CCDC3: variants seen among roughly 807,000 people sequenced by gnomAD.
CCDC3 encodes coiled-coil domain containing 3.
A neutral mutation model predicts 21.4 loss-of-function variants in CCDC3; 24 were observed. The ratio of observed to expected loss-of-function variants is 1.12; its 90% confidence interval spans 0.81 to 1.58. The LOEUF (loss-of-function observed/expected upper bound fraction) is 1.58, where lower values mean the gene tolerates loss of function less well. Among genes scored for constraint, CCDC3 ranks in the 40% most tolerant of loss-of-function variants. The pLI, the probability that CCDC3 is intolerant of heterozygous loss-of-function variation, is 0.00. For missense variants in CCDC3, 425 were observed against 360.9 expected, an observed-to-expected ratio of 1.18 and a Z score of -1.44; for synonymous variants, 186 against 166.0, an observed-to-expected ratio of 1.12 and a Z score of -0.93.
At chr10:13,025,919 G>A (rs190200429) in intron 5 of CCDC3, among the ~76,000 whole-genome samples, 8 of 152,230 alleles carry the variant, frequency 5.3e-5, no homozygotes, top group Admixed American at 2.6e-4. Context: ...GGTGGCTCAC[G>A]CCTGTAATCC....
intron 4 of CCDC3, among the ~76,000 whole-genome samples, chr10:13,060,721 G>C (rs945960986): frequency 7.9e-5 from 12 of 152,080 alleles, no homozygotes; most frequent in African/African-American, 2.7e-4. Context: ...GCCCAGGCTG[G>C]TTTCTAACTC....
chr10:13,032,124 A>G (rs1836312992), intron 5 of CCDC3, among the ~76,000 whole-genome samples: 1 of 152,126 alleles, frequency 6.6e-6, no homozygotes, highest in Non-Finnish European at 1.5e-5. Context: ...CCAGCAGCAC[A>G]TCAAAAAGCT....
chr10:13,054,920 G>T (rs901763682), intron 4 of CCDC3, among the ~76,000 whole-genome samples: 1 of 152,190 alleles, frequency 6.6e-6, no homozygotes, highest in East Asian at 1.9e-4. Context: ...ACCCGCCTTG[G>T]CCTCCTAAAG....
chr10:13,040,866 T>C (rs749103043), intron 5 of CCDC3, among the ~76,000 whole-genome samples: 4 of 152,222 alleles, frequency 2.6e-5, no homozygotes, highest in African/African-American at 9.6e-5. Context: ...TCCTATCTAG[T>C]AAATTATTTC....
At chr10:13,096,602 T>C (rs1442069915) in intron 3 of CCDC3, among the ~76,000 whole-genome samples, 3 of 152,144 alleles carry the variant, frequency 2.0e-5, no homozygotes, top group African/African-American at 7.2e-5. Context: ...TTGGTACCCA[T>C]TGAAGTAAGG....
chr10:13,072,555 A>G (rs1836896158), intron 4 of CCDC3, among the ~76,000 whole-genome samples: 1 of 152,172 alleles, frequency 6.6e-6, no homozygotes, highest in African/African-American at 2.4e-5. Flanking sequence ...CACTGGGAGA[A>G]TGGGGTGGAG....
rs1336104222 is a variant in CCDC3, at chr10:12,929,201, G to A, written c.550-30522C>T. On this transcript the variant is annotated intron_variant, in intron 2 of 2. Coordinates refer to ENST00000378825, the MANE Select transcript of CCDC3 (RefSeq NM_031455.4). Reference sequence around the variant, plus strand: ...TGCTTGAACCCAGGGGGTGGAGGTCGCAGTGAGCCGAGATCGTGCCACTGC... The same window carrying A: ...TGCTTGAACCCAGGGGGTGGAGGTCACAGTGAGCCGAGATCGTGCCACTGC... Among the ~76,000 whole-genome samples the A allele has an allele frequency of 8.0e-5, 12 of 149,994 alleles. No individual in the cohort carries two copies. In the East Asian group the frequency reaches 9.9e-4, roughly 12 times the overall value.
intron 2 of CCDC3, among the ~76,000 whole-genome samples, chr10:12,958,168 C>A (rs988847079): frequency 6.2e-4 from 94 of 152,198 alleles, no homozygotes; most frequent in African/African-American, 2.2e-3. Flanking sequence ...TCAGATATTT[C>A]TTTATAGCAA....
At position 13,088,024 on chromosome 10, in the gene CCDC3, T is replaced by C. The variant is rs572641273; in HGVS notation, c.-503+10501A>G. ...TGCGTTTGAGAAAGGAGTTACTTCC[T>C]TGGGAAGACGCAGCTTCACACCAAA... On this transcript the variant is annotated intron_variant, in intron 3 of 6. Transcript: ENST00000378839. 6.6e-5 allele frequency among the ~76,000 whole-genome samples: 10 copies of C among 152,320 alleles called. No homozygotes were observed. In the South Asian group the frequency reaches 1.4e-3, roughly 22 times the overall value.
At chr10:12,958,563 T>C (rs1331646501) in intron 2 of CCDC3, among the ~76,000 whole-genome samples, 1 of 152,176 alleles carries the variant, frequency 6.6e-6, no homozygotes, top group Non-Finnish European at 1.5e-5. Context: ...CAGTAGTGCC[T>C]GAAGAGCAGG....
intron 5 of CCDC3, among the ~76,000 whole-genome samples, chr10:13,021,265 C>T (rs1836141240): frequency 6.6e-6 from 1 of 152,172 alleles, no homozygotes; most frequent in Admixed American, 6.5e-5. Flanking sequence ...ATTCAAGGTA[C>T]CATCATTTTC....
chr10:12,916,220 G>T (rs550052470), intron 2 of CCDC3, among the ~76,000 whole-genome samples: 47 of 152,198 alleles, frequency 3.1e-4, no homozygotes, highest in Non-Finnish European at 4.6e-4. Context: ...GATCACAAGG[G>T]CAGGCGATTG....
At chr10:12,970,016 C>A (rs539633186) in intron 2 of CCDC3, among the ~76,000 whole-genome samples, 3 of 152,190 alleles carry the variant, frequency 2.0e-5, no homozygotes, top group Admixed American at 1.3e-4. Flanking sequence ...GCCTGCAATG[C>A]CTTATCTCAA....
At chr10:13,068,540 A>G (rs977368963) in intron 4 of CCDC3, among the ~76,000 whole-genome samples, 2 of 152,216 alleles carry the variant, frequency 1.3e-5, no homozygotes. Context: ...TAGGTGATCT[A>G]AATTATGCAG....
intron 4 of CCDC3, among the ~76,000 whole-genome samples, chr10:13,053,437 G>T (rs549581956): frequency 3.2e-4 from 49 of 152,106 alleles, no homozygotes; most frequent in Admixed American, 2.9e-3. Flanking sequence ...AAGTGTGGTG[G>T]CATGCACCTA....
intron 2 of CCDC3, among the ~76,000 whole-genome samples, chr10:12,961,977 C>T (rs1469279820): frequency 6.6e-6 from 1 of 152,154 alleles, no homozygotes; most frequent in African/African-American, 2.4e-5. Flanking sequence ...AGTGCCAAGC[C>T]AGACAGATGG....
chr10:12,901,869 A>G (rs1389704082), intron 2 of CCDC3, among the ~76,000 whole-genome samples: 2 of 152,142 alleles, frequency 1.3e-5, no homozygotes, highest in Admixed American at 6.5e-5. Flanking sequence ...TCTTCCTCCA[A>G]CACATCAGCG....
chr10:12,928,639 A>G (rs1461092827), intron 2 of CCDC3, among the ~76,000 whole-genome samples: 2 of 152,196 alleles, frequency 1.3e-5, no homozygotes, highest in Non-Finnish European at 2.9e-5. Context: ...CTAAGTCGTA[A>G]CAATCATCCA....
chr10:13,014,409 C>T (rs956098991), intron 5 of CCDC3, among the ~76,000 whole-genome samples: 9 of 146,810 alleles, frequency 6.1e-5, no homozygotes, highest in Non-Finnish European at 1.0e-4. Flanking sequence ...AAGATCGTGC[C>T]GCTGCACTCC....
Sources: allele counts gnomAD v4.1 joint callset (sites outside exome capture counted in the v4.1 genomes callset), GRCh38; gene constraint gnomAD v4.1.1; transcripts MANE v1.5; gene names NCBI Gene and HGNC (gene_info 2026-07-23, HGNC 2026-07-21).